TRDN: variants seen among roughly 807,000 people sequenced by gnomAD.
TRDN encodes triadin in skeletal muscle.
A neutral mutation model predicts 149.7 loss-of-function variants in TRDN; 161 were observed. The observed-to-expected ratio is 1.08, with a 90% CI of 0.95 to 1.23. The LOEUF is 1.23. TRDN is among the 50% of genes most tolerant of loss of function. The pLI, the probability that TRDN is intolerant of heterozygous loss-of-function variation, is 0.00. For missense variants in TRDN, 896 were observed against 823.5 expected, an observed-to-expected ratio of 1.09 and a Z score of -1.08; for synonymous variants, 294 against 250.5, an observed-to-expected ratio of 1.17 and a Z score of -1.64.
intron 1 of TRDN, among the ~76,000 whole-genome samples, chr6:123,625,903 A>G (rs534961296): frequency 1.3e-5 from 2 of 152,268 alleles, no homozygotes; most frequent in African/African-American, 4.8e-5. Flanking sequence ...GGCTGAAGCA[A>G]TTACTTAAAA....
intron 20 of TRDN, 47 bp from the exon 21 acceptor site, chr6:123,352,633 C>T: frequency 6.4e-7 from 1 of 1,568,510 alleles, no homozygotes; most frequent in East Asian, 2.3e-5. Context: ...GACAGAAATA[C>T]TGCTTCTGCT....
chr6:123,612,878 G>T (rs952593292), intron 1 of TRDN, among the ~76,000 whole-genome samples: 1 of 152,072 alleles, frequency 6.6e-6, no homozygotes, highest in Non-Finnish European at 1.5e-5. Context: ...TAGTCTCCAG[G>T]CACATAATTT....
At chr6:123,393,261 A>G (rs928004764) in intron 13 of TRDN, among the ~76,000 whole-genome samples, 1 of 152,100 alleles carries the variant, frequency 6.6e-6, no homozygotes, top group Non-Finnish European at 1.5e-5. Flanking sequence ...TGTAACATAA[A>G]TTACAAGGTA....
chr6:123,253,965 G>GAA lies in TRDN; in HGVS notation c.1951+1114_1951+1115dup, dbSNP rs1202065213. Among the ~76,000 whole-genome samples, 10 of 152,184 alleles carry GAA rather than the reference G, an allele frequency of 6.6e-5. No individual in the cohort carries two copies. The South Asian group carries it at 1.7e-3, about 25-fold the overall frequency. On this transcript the variant is annotated intron_variant, in intron 37 of 40. Coordinates refer to ENST00000334268, the MANE Select transcript of TRDN (RefSeq NM_006073.4). ...GATGGCCTTAACCATTATAGTGTTT[G>GAA]AAAACATACAAACTTGGAGCCAAAT...
chr6:123,366,307 G>A (rs1781098716), intron 19 of TRDN, 125 bp from the exon 20 acceptor site: 6 of 801,020 alleles, frequency 7.5e-6, no homozygotes, highest in South Asian at 1.9e-5. Context: ...GCAAGCTGTA[G>A]AGAAAGCCAA....
chr6:123,567,017 C>T (rs1445347284), intron 2 of TRDN, among the ~76,000 whole-genome samples: 2 of 152,172 alleles, frequency 1.3e-5, no homozygotes, highest in African/African-American at 4.8e-5. Context: ...TTATAGTTCA[C>T]AGTAGAGCTT....
At chr6:123,351,878 A>C (rs1452554314) in intron 21 of TRDN, 6 of 984,884 alleles carry the variant, frequency 6.1e-6, no homozygotes, top group Non-Finnish European at 7.2e-6. Flanking sequence ...CTCTAAGAGA[A>C]GCCACATCAC....
chr6:123,393,735 TA>T, intron 12 of TRDN, 58 bp from the exon 13 acceptor site: 1 of 1,477,624 alleles, frequency 6.8e-7, no homozygotes, highest in Non-Finnish European at 9.2e-7. Context: ...AATATATAAA[TA>T]AAAAAGGGAC....
intron 7 of TRDN, 86 bp from the exon 8 acceptor site, chr6:123,503,987 GA>G (rs1778810185): frequency 7.2e-7 from 1 of 1,391,008 alleles, no homozygotes; most frequent in Non-Finnish European, 9.5e-7. Flanking sequence ...AGGAAAATTG[GA>G]AAAGAAAGAG....
At chr6:123,394,823 A>G (rs9401668) in intron 12 of TRDN, among the ~76,000 whole-genome samples, 28,125 of 152,040 alleles carry the variant, frequency 0.18, 3,720 homozygotes, top group East Asian at 0.64. Flanking sequence ...TTTTGCCAAA[A>G]CTGAATTCAG....
rs549569732 is a variant in TRDN at position 123,413,984 on chromosome 6, C to T, written c.1052-20307G>A. Among the ~76,000 whole-genome samples, 12 of 152,188 alleles carry T rather than the reference C, an allele frequency of 7.9e-5. No individual in the cohort carries two copies. The South Asian group carries it at 2.5e-3, about 32-fold the overall frequency. On this transcript the variant is annotated intron_variant, in intron 12 of 40. Transcript: ENST00000334268. Reference sequence around the variant, plus strand: ...AAAGGTTCAAGGGGTAACTAGTTTTCTCTTGCATTCAGCCCATTTTCTTAC... The same window carrying T: ...AAAGGTTCAAGGGGTAACTAGTTTTTTCTTGCATTCAGCCCATTTTCTTAC...
At chr6:123,247,094 A>C (rs13207472) in intron 38 of TRDN, among the ~76,000 whole-genome samples, 3,026 of 152,292 alleles carry the variant, frequency 0.02, 50 homozygotes, top group Non-Finnish European at 0.027. Context: ...GTATTGATGG[A>C]ATGTATCTCA....
intron 24 of TRDN, among the ~76,000 whole-genome samples, chr6:123,311,504 C>T (rs149156237): frequency 3.4e-4 from 51 of 152,046 alleles, no homozygotes; most frequent in African/African-American, 1.2e-3. Flanking sequence ...TTAACATTCT[C>T]TTAATAATTG....
At chr6:123,420,378 G>A (rs1414952744) in intron 12 of TRDN, among the ~76,000 whole-genome samples, 2 of 81,160 alleles carry the variant, frequency 2.5e-5, no homozygotes, top group Non-Finnish European at 4.6e-5. Flanking sequence ...TGGCAGAGAT[G>A]CAAGGATTTT....
At chr6:123,292,318 G>A (rs1029385098) in intron 24 of TRDN, among the ~76,000 whole-genome samples, 4 of 152,146 alleles carry the variant, frequency 2.6e-5, no homozygotes, top group East Asian at 1.9e-4. Context: ...GGATCAGAGC[G>A]GAAGTGGGTG....
intron 1 of TRDN, among the ~76,000 whole-genome samples, chr6:123,604,702 T>G (rs1784443667): frequency 6.6e-6 from 1 of 152,084 alleles, no homozygotes; most frequent in Non-Finnish European, 1.5e-5. Context: ...AAACAGTGTC[T>G]GCAGGACTTA....
At chr6:123,492,599 A>G (rs1778269619) in intron 9 of TRDN, among the ~76,000 whole-genome samples, 1 of 152,166 alleles carries the variant, frequency 6.6e-6, no homozygotes, top group Admixed American at 6.5e-5. Context: ...ACCTAAATGA[A>G]TAAAATTATC....
intron 24 of TRDN, among the ~76,000 whole-genome samples, chr6:123,285,124 A>G: frequency 6.6e-6 from 1 of 152,112 alleles, no homozygotes; most frequent in East Asian, 1.9e-4. Context: ...GCCCAAAGCA[A>G]TCTACAAATT....
At chr6:123,307,836 C>A (rs577188152) in intron 24 of TRDN, among the ~76,000 whole-genome samples, 1 of 151,616 alleles carries the variant, frequency 6.6e-6, no homozygotes, top group Admixed American at 6.6e-5. Context: ...TTTCTTTTTT[C>A]TTATGCTCAT....
Sources: allele counts gnomAD v4.1 joint callset (sites outside exome capture counted in the v4.1 genomes callset), GRCh38; gene constraint gnomAD v4.1.1; transcripts MANE v1.5; gene names NCBI Gene and HGNC (gene_info 2026-07-23, HGNC 2026-07-21).